The following SOX13 variants were observed in gnomAD, a reference collection of about 807,000 sequenced individuals.
SOX13 encodes SRY-box transcription factor 13.
SOX13 carries 28 observed loss-of-function variants against 71.8 expected under a neutral mutation model. The observed-to-expected ratio is 0.39, with a 90% CI of 0.29 to 0.53. SOX13 has a LOEUF of 0.53. SOX13 is among the 20% of genes least tolerant of loss of function. The pLI, the probability that SOX13 is intolerant of heterozygous loss-of-function variation, is 0.70. For synonymous variants in SOX13, 309 were observed against 317.8 expected (o/e 0.97, Z 0.29); for missense variants, 627 against 810.3 (o/e 0.77, Z 2.75).
At chr1:204,107,293 G>A (rs1238301565) in intron 1 of SOX13, among the ~76,000 whole-genome samples, 3 of 152,166 alleles carry the variant, frequency 2.0e-5, no homozygotes, top group African/African-American at 4.8e-5. Context: ...TTAAACCCAG[G>A]TTGTTGGATT....
rs1304035844 is a variant in SOX13 at position 204,122,314 on chromosome 1, G to C, written c.939G>C (p.Leu313=). ...ELPNTSSSPS[L]KMSSCVPRPP... is the part of the protein sequence containing the mutation. ...CCAACACCTCCAGCTCCCCAAGCCT[G>C]AAGATGAGCAGCTGTGTGCCCCGCC... The change falls in exon 9 of 14, where the codon CTG becomes CTC. Residue 313 remains leucine (L), a synonymous_variant. Transcript: ENST00000367204. The C allele has an allele frequency of 6.3e-7, 1 of 1,580,436 alleles. No homozygotes were observed. The highest frequency in any genetic ancestry group is 8.6e-7 in the Non-Finnish European group (1 of 1,163,128).
At chr1:204,118,973 C>T (rs1287987415) in intron 7 of SOX13, 1 of 152,168 alleles carries the variant, frequency 6.6e-6, no homozygotes, top group Non-Finnish European at 1.5e-5. Flanking sequence ...AGGGCAGTGA[C>T]AGAGAGTTAT....
intron 4 of SOX13, chr1:204,116,270 G>A (rs961059856): frequency 1.3e-4 from 189 of 1,481,856 alleles, no homozygotes; most frequent in Non-Finnish European, 1.6e-4. Context: ...CATTTTCAGG[G>A]GGCCTGGAAT....
chr1:204,076,629 C>T (rs1442526393), intron 1 of SOX13, among the ~76,000 whole-genome samples: 3 of 152,192 alleles, frequency 2.0e-5, no homozygotes, highest in Non-Finnish European at 4.4e-5. Context: ...GGAGGAAGAA[C>T]AGGGTGCTGC....
At chr1:204,093,432 A>G (rs1194112494) in intron 1 of SOX13, among the ~76,000 whole-genome samples, 1 of 152,212 alleles carries the variant, frequency 6.6e-6, no homozygotes, top group Non-Finnish European at 1.5e-5. Flanking sequence ...TGCAATTTAT[A>G]ATAATAAACA....
chr1:204,125,363 G>A (rs930554526), intron 13 of SOX13, among the ~76,000 whole-genome samples: 2 of 152,104 alleles, frequency 1.3e-5, no homozygotes, highest in Admixed American at 6.5e-5. Context: ...TCAGGAGTTT[G>A]AGACCAGCCT....
intron 9 of SOX13, 31 bp from the exon 10 acceptor site, chr1:204,122,823 T>C (rs1438841186): frequency 7.2e-7 from 1 of 1,385,236 alleles, no homozygotes; most frequent in African/African-American, 1.4e-5. Flanking sequence ...TTCTCTCGCT[T>C]CTCTTCCCTC....
In SOX13 at chr1:204,114,547, C is replaced by T. The variant is rs1219136046; in HGVS notation, c.360C>T (p.Ser120=). The part of the protein sequence containing the change: ...EVVPAIEKLL[S]SDWKERFLGR... Reference sequence around the variant, plus strand: ...TGCCAGCCATAGAGAAGCTGTTGTCCAGTGACTGGAAGGAGAGGTTTCTAG... The same window carrying T: ...TGCCAGCCATAGAGAAGCTGTTGTCTAGTGACTGGAAGGAGAGGTTTCTAG... The change falls in exon 4 of 14, where the codon TCC becomes TCT. Residue 120 remains serine (S), a synonymous_variant. Coordinates refer to ENST00000367204, the MANE Select transcript of SOX13 (RefSeq NM_005686.3). The T allele has an allele frequency of 1.2e-6, 2 of 1,613,880 alleles. No individual in the cohort carries two copies.
At chr1:204,125,664 G>A (rs1161437299) in intron 13 of SOX13, among the ~76,000 whole-genome samples, 194 bp from the exon 14 acceptor site, 1 of 152,226 alleles carries the variant, frequency 6.6e-6, no homozygotes, top group Non-Finnish European at 1.5e-5. Flanking sequence ...ATGGCCCTAG[G>A]TCTGCAGGTC....
Position 204,123,010 on chromosome 1 carries a change from G to A in SOX13, c.1134+47G>A. ...AGCCTAGGGGCAGCAACAGATGGTG[G>A]CCAGGAGTGGAAGACACAGTCTGAG... On this transcript the variant is annotated intron_variant, in intron 10 of 13. Coordinates refer to ENST00000367204, the MANE Select transcript of SOX13 (RefSeq NM_005686.3). The surrounding 1 kb of genome is among the most constrained non-coding windows in gnomAD (Gnocchi z 5.0). The A allele has an allele frequency of 6.6e-7, 1 of 1,505,656 alleles. No individual in the cohort carries two copies. Among genetic ancestry groups the A allele is most frequent in the Non-Finnish European group, 9.2e-7 (1 of 1,088,062 alleles). 93.3% of individuals were successfully genotyped at this position (1,505,656 alleles called of 1,614,324 possible).
rs976677300 is a variant in SOX13 at position 204,081,111 on chromosome 1, C to T, written c.-2+7400C>T. 6.6e-6 allele frequency among the ~76,000 whole-genome samples: 1 copy of T among 152,066 alleles called. No individual in the cohort carries two copies. Among genetic ancestry groups the T allele is most frequent in the African/African-American group, 2.4e-5 (1 of 41,402 alleles). On this transcript the variant is annotated intron_variant, in intron 1 of 13. Transcript: ENST00000367204. The surrounding 1 kb of genome is among the most constrained non-coding windows in gnomAD (Gnocchi z 4.3). Reference sequence around the variant, plus strand: ...TATTTTTAGTAGAGACGGGATTTCTCCATGTTGGTTAGGCTGGTCTCGAAC... The same window carrying T: ...TATTTTTAGTAGAGACGGGATTTCTTCATGTTGGTTAGGCTGGTCTCGAAC...
chr1:204,123,829 G>T lies in SOX13; in HGVS notation c.1375+25G>T. The T allele has an allele frequency of 6.2e-7, 1 of 1,613,094 alleles. No homozygotes were observed. Among genetic ancestry groups the T allele is most frequent in the Non-Finnish European group, 8.5e-7 (1 of 1,179,244 alleles). On this transcript the variant is annotated intron_variant, in intron 12 of 13. Transcript: ENST00000367204. The surrounding 1 kb of genome is among the most constrained non-coding windows in gnomAD (Gnocchi z 5.0). ...GGTAAGGGCCAGTGGCTGGGGCCATGGTTCAGTGTGACCTGGTTGCAGGAG... is the reference window on the plus strand; with the variant it reads ...GGTAAGGGCCAGTGGCTGGGGCCATTGTTCAGTGTGACCTGGTTGCAGGAG...
intron 1 of SOX13, among the ~76,000 whole-genome samples, chr1:204,087,993 A>G (rs12069284): frequency 0.032 from 4,899 of 152,256 alleles, 259 homozygotes; most frequent in African/African-American, 0.11. Flanking sequence ...GTTCAGAACA[A>G]GTGACAGCCC....
At position 204,126,442 on chromosome 1, in the gene SOX13, TG is replaced by T. The variant is rs1656924808; in HGVS notation, c.*312del. 2.5e-6 allele frequency: 1 copy of T among 402,024 alleles called. No homozygotes were observed. Among genetic ancestry groups the T allele is most frequent in the Admixed American group, 3.9e-5 (1 of 25,452 alleles). 24.9% of individuals were successfully genotyped at this position (402,024 alleles called of 1,614,324 possible). A position where few individuals can be genotyped will look rare whatever the true frequency, so the allele number is the denominator to read the frequency against. ...CCTCTCCTGCAGGTGTCTATCCACC[TG>T]GGGTATGGCATCTACCGACCTGTCT... On this transcript the variant is annotated 3_prime_UTR_variant, in exon 14 of 14. Coordinates refer to ENST00000367204, the MANE Select transcript of SOX13 (RefSeq NM_005686.3).
At chr1:204,075,524 C>A (rs1007752565) in intron 1 of SOX13, among the ~76,000 whole-genome samples, 1 of 152,228 alleles carries the variant, frequency 6.6e-6, no homozygotes, top group Non-Finnish European at 1.5e-5. Context: ...GCGAAATGGG[C>A]AGAGTTATGC....
At chr1:204,112,540 C>T (rs971457020) in intron 1 of SOX13, among the ~76,000 whole-genome samples, 2 of 139,272 alleles carry the variant, frequency 1.4e-5, no homozygotes, top group Admixed American at 1.5e-4. Context: ...TTCTCTCTCT[C>T]GCTGTCGCTC....
At chr1:204,086,449 A>G (rs1253792427) in intron 1 of SOX13, among the ~76,000 whole-genome samples, 4 of 151,850 alleles carry the variant, frequency 2.6e-5, no homozygotes, top group African/African-American at 9.7e-5. Context: ...GACTACACAC[A>G]TGTGCTGCCA....
intron 1 of SOX13, chr1:204,078,242 C>T (rs1004353340): frequency 7.2e-6 from 1 of 139,080 alleles, no homozygotes; most frequent in African/African-American, 2.6e-5. Context: ...TAGGCCTATT[C>T]CACCAAGGGA....
intron 5 of SOX13, 140 bp downstream of exon 5, chr1:204,116,819 C>T (rs1656705322): frequency 1.4e-6 from 2 of 1,431,778 alleles, no homozygotes; most frequent in African/African-American, 2.8e-5. Flanking sequence ...TGGCCAGGGG[C>T]TGTAGGATTC....
Sources: gnomAD v4.1 joint callset for allele counts (sites outside exome capture counted in the v4.1 genomes callset) on GRCh38, gnomAD v4.1.1 for gene constraint, Gnocchi (gnomAD v3.1) non-coding constraint, MANE v1.5 for transcripts, NCBI Gene and HGNC (gene_info 2026-07-23, HGNC 2026-07-21) for gene names.